The following NCAM2 variants were observed in gnomAD, a reference collection of about 807,000 sequenced individuals.
The protein encoded by NCAM2 is neural cell adhesion molecule 2.
A neutral mutation model predicts 98.1 loss-of-function variants in NCAM2; 30 were observed. That is an observed-to-expected ratio of 0.31 (90% confidence interval 0.23 to 0.41). The LOEUF (loss-of-function observed/expected upper bound fraction) is 0.41, where lower values mean the gene tolerates loss of function less well. NCAM2 is among the 10% of genes least tolerant of loss of function. The pLI is 1.00. For synonymous variants in NCAM2, 368 were observed against 342.4 expected, an observed-to-expected ratio of 1.07 and a Z score of -0.83; for missense variants, 867 against 1,005.8, an observed-to-expected ratio of 0.86 and a Z score of 1.87.
intron 9 of NCAM2, among the ~76,000 whole-genome samples, chr21:21,391,945 T>A (rs1474148952): frequency 6.6e-6 from 1 of 152,194 alleles, no homozygotes; most frequent in Non-Finnish European, 1.5e-5. Flanking sequence ...TTCTTATTTT[T>A]AAAAAACTTT....
At chr21:21,264,914 ATAT>A (rs1422759962) in intron 1 of NCAM2, among the ~76,000 whole-genome samples, 39 of 126,202 alleles carry the variant, frequency 3.1e-4, no homozygotes, top group Non-Finnish European at 5.0e-4. Flanking sequence ...ATATACACAT[ATAT>A]TAGATATACA....
At chr21:21,468,469 C>T (rs1402182370) in intron 13 of NCAM2, among the ~76,000 whole-genome samples, 193 bp from the exon 14 acceptor site, 1 of 151,908 alleles carries the variant, frequency 6.6e-6, no homozygotes, top group African/African-American at 2.4e-5. Flanking sequence ...CATGACACTT[C>T]TAGATTTATA....
intron 5 of NCAM2, among the ~76,000 whole-genome samples, chr21:21,305,363 T>A (rs1345495429): frequency 1.3e-5 from 2 of 152,018 alleles, no homozygotes; most frequent in Non-Finnish European, 2.9e-5. Flanking sequence ...TCACTATGAA[T>A]AAAGACACTT....
chr21:21,320,952 G>A (rs972462150), intron 5 of NCAM2, among the ~76,000 whole-genome samples: 1 of 152,142 alleles, frequency 6.6e-6, no homozygotes, highest in East Asian at 1.9e-4. Context: ...GCAATGGAAA[G>A]AGATGTGTTA....
At chr21:21,388,114 G>A (rs2076307433) in intron 9 of NCAM2, among the ~76,000 whole-genome samples, 1 of 152,086 alleles carries the variant, frequency 6.6e-6, no homozygotes, top group Non-Finnish European at 1.5e-5. Flanking sequence ...AGTACAGAGA[G>A]GATATCATCT....
chr21:21,215,796 G>A (rs1261709390), intron 1 of NCAM2, among the ~76,000 whole-genome samples: 2 of 152,072 alleles, frequency 1.3e-5, no homozygotes, highest in African/African-American at 4.8e-5. Context: ...ATGCCTGTGT[G>A]TATGTGTATG....
intron 15 of NCAM2, among the ~76,000 whole-genome samples, chr21:21,483,700 C>A (rs1237854721): frequency 6.6e-6 from 1 of 152,104 alleles, no homozygotes; most frequent in Non-Finnish European, 1.5e-5. Context: ...CTGGAATTTT[C>A]AGTCTAACCT....
intron 1 of NCAM2, among the ~76,000 whole-genome samples, chr21:21,046,561 A>C (rs1473891914): frequency 1.3e-5 from 2 of 152,124 alleles, no homozygotes; most frequent in East Asian, 1.9e-4. Flanking sequence ...ACCAACACTT[A>C]CTGTCATACT....
At chr21:21,422,638 T>C (rs1216208056) in intron 11 of NCAM2, among the ~76,000 whole-genome samples, 1 of 152,122 alleles carries the variant, frequency 6.6e-6, no homozygotes, top group Non-Finnish European at 1.5e-5. Context: ...TTCTATGTTG[T>C]TACAGAAATA....
chr21:21,360,676 C>T (rs1206220928), intron 8 of NCAM2, among the ~76,000 whole-genome samples: 2 of 151,654 alleles, frequency 1.3e-5, no homozygotes, highest in Non-Finnish European at 2.9e-5. Flanking sequence ...ATGTATATGC[C>T]AGTCTTTTTT....
intron 16 of NCAM2, among the ~76,000 whole-genome samples, chr21:21,520,576 C>T (rs1211241756): frequency 6.6e-6 from 1 of 152,094 alleles, no homozygotes; most frequent in Admixed American, 6.6e-5. Flanking sequence ...ACAATACTCC[C>T]GGTTTTCAGC....
At chr21:21,107,375 CTG>C in intron 1 of NCAM2, among the ~76,000 whole-genome samples, 1 of 152,094 alleles carries the variant, frequency 6.6e-6, no homozygotes, top group Non-Finnish European at 1.5e-5. Context: ...AAAACTATAT[CTG>C]ATGTTTTTTT....
At chr21:21,297,743 A>AG (rs397694676) in intron 5 of NCAM2, among the ~76,000 whole-genome samples, 3 of 151,444 alleles carry the variant, frequency 2.0e-5, no homozygotes, top group African/African-American at 7.3e-5. Flanking sequence ...TCAAAAAAAA[A>AG]GGCTCATATA....
intron 1 of NCAM2, among the ~76,000 whole-genome samples, chr21:21,272,497 T>TGTGC (rs2072540819): frequency 6.9e-6 from 1 of 145,450 alleles, no homozygotes; most frequent in Non-Finnish European, 1.5e-5. Context: ...TACACACACA[T>TGTGC]GCGCGCGCGC....
chr21:21,047,462 A>G (rs556000944), intron 1 of NCAM2, among the ~76,000 whole-genome samples: 37 of 152,172 alleles, frequency 2.4e-4, no homozygotes, highest in Non-Finnish European at 4.9e-4. Flanking sequence ...GACTAAAGGT[A>G]CAGATATGTT....
At chr21:21,180,004 C>G (rs907992938) in intron 1 of NCAM2, among the ~76,000 whole-genome samples, 1 of 152,174 alleles carries the variant, frequency 6.6e-6, no homozygotes, top group African/African-American at 2.4e-5. Context: ...AAATGGCCTC[C>G]CTGAAATGCC....
chr21:21,462,555 A>G (rs1184401737), intron 12 of NCAM2, among the ~76,000 whole-genome samples: 1 of 152,042 alleles, frequency 6.6e-6, no homozygotes, highest in Non-Finnish European at 1.5e-5. Context: ...AAAAGAGAAT[A>G]AACTTTCAAA....
At chr21:21,128,691 A>G (rs73894439) in intron 1 of NCAM2, among the ~76,000 whole-genome samples, 90 of 152,300 alleles carry the variant, frequency 5.9e-4, no homozygotes, top group Middle Eastern at 3.4e-3. Flanking sequence ...AAAATATAAA[A>G]TAATTGGGCT....
Position 21,328,801 on chromosome 21 carries a change from T to C in NCAM2, c.737+4301T>C, listed in dbSNP as rs367933239. Among the ~76,000 whole-genome samples, 70 of 152,104 alleles carry C rather than the reference T, an allele frequency of 4.6e-4. No homozygotes were observed. The South Asian group carries it at 0.014, about 31-fold the overall frequency. Reference sequence around the variant, plus strand: ...AAGAAAATGTTTAGTGTCGCTTAAGTATACAGTGTTTATAAAGTCTAGAGT... The same window carrying C: ...AAGAAAATGTTTAGTGTCGCTTAAGCATACAGTGTTTATAAAGTCTAGAGT... On this transcript the variant is annotated intron_variant, in intron 6 of 17. Coordinates refer to ENST00000400546, the MANE Select transcript of NCAM2 (RefSeq NM_004540.5).
Sources: gnomAD v4.1 joint callset for allele counts (sites outside exome capture counted in the v4.1 genomes callset) on GRCh38, gnomAD v4.1.1 for gene constraint, MANE v1.5 for transcripts, NCBI Gene and HGNC (gene_info 2026-07-23, HGNC 2026-07-21) for gene names.